Variants in SMAD9 observed in about 807,000 individuals in gnomAD.
SMAD9 encodes the protein MAD homolog 9.
Under a neutral mutation model 46.1 loss-of-function variants are expected in SMAD9, and 36 were observed. The ratio of observed to expected loss-of-function variants is 0.78; its 90% CI spans 0.60 to 1.03. The LOEUF is 1.03. SMAD9 is among the 50% of genes least tolerant of loss of function. The pLI is 0.00. For missense variants in SMAD9, 572 were observed against 599.8 expected, an observed-to-expected ratio of 0.95 and a Z score of 0.48; for synonymous variants, 245 against 237.1, an observed-to-expected ratio of 1.03 and a Z score of -0.31.
At chr13:36,882,006 CT>C (rs1566028054) in intron 1 of SMAD9, among the ~76,000 whole-genome samples, 2 of 152,112 alleles carry the variant, frequency 1.3e-5, no homozygotes, top group South Asian at 4.1e-4. Context: ...CTTTTAGAAA[CT>C]TTTGCTCCAT....
chr13:36,873,688 C>A (rs973186450), intron 2 of SMAD9, among the ~76,000 whole-genome samples: 6 of 152,100 alleles, frequency 3.9e-5, no homozygotes, highest in Non-Finnish European at 7.4e-5. Flanking sequence ...CGTGGTGAAA[C>A]CCCGTCTCTA....
intron 5 of SMAD9, among the ~76,000 whole-genome samples, chr13:36,861,272 A>G (rs2058179091): frequency 6.6e-6 from 1 of 152,186 alleles, no homozygotes; most frequent in Admixed American, 6.5e-5. Flanking sequence ...AGGCTAATTG[A>G]TATCTACTGG....
chr13:36,874,210 G>A (rs895874515), intron 2 of SMAD9, among the ~76,000 whole-genome samples: 3 of 152,208 alleles, frequency 2.0e-5, no homozygotes, highest in Non-Finnish European at 2.9e-5. Flanking sequence ...AAGGACCTAC[G>A]TCTTCATGTT....
At chr13:36,903,217 C>T (rs1316248464) in intron 1 of SMAD9, among the ~76,000 whole-genome samples, 1 of 151,058 alleles carries the variant, frequency 6.6e-6, no homozygotes, top group African/African-American at 2.4e-5. Context: ...ACCTCCTCCT[C>T]CCGGATTCAA....
At chr13:36,910,599 C>T (rs550940046) in intron 1 of SMAD9, among the ~76,000 whole-genome samples, 1 of 152,284 alleles carries the variant, frequency 6.6e-6, no homozygotes, top group Non-Finnish European at 1.5e-5. Flanking sequence ...CATTCCCAGC[C>T]TCATCTCTTT....
In SMAD9 at chr13:36,874,970, G is replaced by A. The variant is rs1387669730; in HGVS notation, c.413-2055C>T. On this transcript the variant is annotated intron_variant, in intron 2 of 6. Transcript: ENST00000379826. Reference sequence around the variant, plus strand: ...GAGAGTCAATGACATTATCTAAAAGGTGATAAATTTGGAAATAGATATGTA... The same window carrying A: ...GAGAGTCAATGACATTATCTAAAAGATGATAAATTTGGAAATAGATATGTA... 2.0e-5 allele frequency among the ~76,000 whole-genome samples: 3 copies of A among 150,648 alleles called. No homozygotes were observed. The East Asian group carries it at 5.8e-4, about 29-fold the overall frequency.
chr13:36,889,248 G>A (rs1326841896), intron 1 of SMAD9, among the ~76,000 whole-genome samples: 1 of 152,126 alleles, frequency 6.6e-6, no homozygotes, highest in Non-Finnish European at 1.5e-5. Flanking sequence ...TCCAGCTCTT[G>A]TTAAGACCAC....
At chr13:36,859,344 T>C (rs2058157252) in intron 5 of SMAD9, among the ~76,000 whole-genome samples, 1 of 152,124 alleles carries the variant, frequency 6.6e-6, no homozygotes, top group Non-Finnish European at 1.5e-5. Flanking sequence ...AGTGACTCCG[T>C]CTTGAGTAGA....
chr13:36,856,786 G>A (rs989295975), intron 5 of SMAD9, among the ~76,000 whole-genome samples: 4 of 150,994 alleles, frequency 2.6e-5, no homozygotes, highest in Non-Finnish European at 5.9e-5. Flanking sequence ...GGGTGAGGCC[G>A]GGTGACCTGC....
At chr13:36,917,478 A>G (rs1336715275) in intron 1 of SMAD9, among the ~76,000 whole-genome samples, 1 of 152,166 alleles carries the variant, frequency 6.6e-6, no homozygotes, top group Non-Finnish European at 1.5e-5. Context: ...ACAGCCTAGA[A>G]TTACAACTAT....
In SMAD9 at chr13:36,848,628, C is replaced by G; in HGVS notation, c.*48G>C. 3 of 1,577,740 alleles carry G rather than the reference C, an allele frequency of 1.9e-6. No individual in the cohort carries two copies. Among genetic ancestry groups the G allele is most frequent in the Non-Finnish European group, 2.6e-6 (3 of 1,146,860 alleles). ...CAAATCTGAAATGATACAAGCCACT[C>G]CCTGCAATAGCCTCTATCCTATGGA... is the stretch of plus-strand genomic sequence containing the variant. On this transcript the variant is annotated 3_prime_UTR_variant, in exon 7 of 7. Coordinates refer to ENST00000379826, the MANE Select transcript of SMAD9 (RefSeq NM_001127217.3).
chr13:36,851,540 C>T (rs2058074902), intron 6 of SMAD9: 3 of 154,370 alleles, frequency 1.9e-5, no homozygotes, highest in African/African-American at 2.4e-5. Flanking sequence ...AATATTGGTT[C>T]CCTGAGGTCA....
In SMAD9 at chr13:36,854,546, T is replaced by C. The variant is rs1475800048; in HGVS notation, c.1004-871A>G. Among the ~76,000 whole-genome samples, 3 of 152,134 alleles carry C rather than the reference T, an allele frequency of 2.0e-5. 1 individual carries two copies. Among genetic ancestry groups the C allele is most frequent in the Middle Eastern group, 6.3e-3 (2 of 316 alleles). ...ACACAGCTGGCTAATTTTTGTTTTTTAGTAGAGACGGGGTTTCACCATGTT... is the reference window on the plus strand; with the variant it reads ...ACACAGCTGGCTAATTTTTGTTTTTCAGTAGAGACGGGGTTTCACCATGTT... On this transcript the variant is annotated intron_variant, in intron 5 of 6. Coordinates refer to ENST00000379826, the MANE Select transcript of SMAD9 (RefSeq NM_001127217.3).
chr13:36,862,749 C>G (rs1379757854), intron 5 of SMAD9, among the ~76,000 whole-genome samples: 3 of 152,178 alleles, frequency 2.0e-5, no homozygotes, highest in Non-Finnish European at 2.9e-5. Context: ...GTGTGAGTTC[C>G]AAGAATCTTC....
chr13:36,849,069 C>T (rs1322003012), intron 6 of SMAD9, among the ~76,000 whole-genome samples: 1 of 152,238 alleles, frequency 6.6e-6, no homozygotes, highest in African/African-American at 2.4e-5. Context: ...TAGAGAGGTT[C>T]TGGCACTCCA....
chr13:36,914,787 T>C (rs758305508), intron 1 of SMAD9, among the ~76,000 whole-genome samples: 8 of 152,128 alleles, frequency 5.3e-5, no homozygotes, highest in Non-Finnish European at 1.2e-4. Context: ...GATACAAGAA[T>C]TCAGAAAGCA....
At chr13:36,862,631 C>A (rs1445096820) in intron 5 of SMAD9, among the ~76,000 whole-genome samples, 2 of 152,218 alleles carry the variant, frequency 1.3e-5, no homozygotes, top group East Asian at 3.8e-4. Context: ...ATCAGTCGAA[C>A]AGCCCATGCT....
intron 3 of SMAD9, among the ~76,000 whole-genome samples, chr13:36,870,912 T>C (rs374505034): frequency 3.9e-4 from 60 of 152,306 alleles, no homozygotes; most frequent in African/African-American, 1.4e-3. Flanking sequence ...CACAGGTGGA[T>C]AGCATCTACA....
At chr13:36,861,753 A>T (rs1244026377) in intron 5 of SMAD9, among the ~76,000 whole-genome samples, 7 of 151,304 alleles carry the variant, frequency 4.6e-5, no homozygotes, top group Non-Finnish European at 8.9e-5. Flanking sequence ...ACATGAAGAA[A>T]CCCTTTCTCT....
Sources: gnomAD v4.1 joint callset for allele counts (sites outside exome capture counted in the v4.1 genomes callset) on GRCh38, gnomAD v4.1.1 for gene constraint, MANE v1.5 for transcripts, NCBI Gene and HGNC (gene_info 2026-07-23, HGNC 2026-07-21) for gene names.